The following CRISPLD2 variants were observed in gnomAD, a reference collection of about 807,000 sequenced individuals.
The protein encoded by CRISPLD2 is cysteine-rich secretory protein LCCL domain-containing 2.
CRISPLD2 carries 47 observed loss-of-function variants against 71.1 expected under a neutral mutation model. The observed-to-expected ratio is 0.66, with a 90% CI of 0.52 to 0.84. CRISPLD2 has a LOEUF of 0.84. Ranked by LOEUF, CRISPLD2 falls within the 40% of genes least tolerant of loss-of-function variation. The probability of loss-of-function intolerance (pLI) is 0.00; values close to 1 mark genes in which losing one functional copy is unlikely to be tolerated. For synonymous variants in CRISPLD2, 317 were observed against 250.1 expected, an observed-to-expected ratio of 1.27 and a Z score of -2.52; for missense variants, 830 against 651.1, an observed-to-expected ratio of 1.27 and a Z score of -2.99.
intron 7 of CRISPLD2, among the ~76,000 whole-genome samples, chr16:84,868,552 C>T (rs1029114303): frequency 1.3e-5 from 2 of 152,200 alleles, no homozygotes; most frequent in Non-Finnish European, 2.9e-5. Context: ...TTCACTTTCT[C>T]TCTCAAGGTT....
intron 5 of CRISPLD2, among the ~76,000 whole-genome samples, chr16:84,853,842 G>A (rs931233732): frequency 6.6e-6 from 1 of 152,252 alleles, no homozygotes; most frequent in Non-Finnish European, 1.5e-5. Context: ...TACAGAAAGG[G>A]AGACCGAGGC....
intron 13 of CRISPLD2, among the ~76,000 whole-genome samples, chr16:84,882,653 C>T (rs1466806651): frequency 2.0e-5 from 3 of 152,222 alleles, no homozygotes; most frequent in South Asian, 2.1e-4. Flanking sequence ...GATCCACCCA[C>T]CTTGGCTTCC....
At chr16:84,848,903 G>C (rs1328499767) in intron 3 of CRISPLD2, among the ~76,000 whole-genome samples, 1 of 150,238 alleles carries the variant, frequency 6.7e-6, no homozygotes. Context: ...GGAGAATGGC[G>C]TGAACCCGGG....
At chr16:84,824,006 C>T (rs1190280935) in intron 1 of CRISPLD2, among the ~76,000 whole-genome samples, 1 of 152,194 alleles carries the variant, frequency 6.6e-6, no homozygotes, top group Admixed American at 6.5e-5. Flanking sequence ...AACTGGACCC[C>T]TCTAAGGACT....
chr16:84,904,686 C>T (rs904912004), intron 14 of CRISPLD2, among the ~76,000 whole-genome samples: 4 of 151,884 alleles, frequency 2.6e-5, no homozygotes, highest in Admixed American at 6.6e-5. Context: ...ATTTTGACAT[C>T]GGTGCCAGGA....
At chr16:84,846,027 G>A (rs928072518) in intron 3 of CRISPLD2, 123 bp downstream of exon 3, 3 of 605,462 alleles carry the variant, frequency 5.0e-6, no homozygotes, top group Non-Finnish European at 8.7e-6. Context: ...CCGTCCCATC[G>A]ATATTCTGGG....
chr16:84,850,697 A>G lies in CRISPLD2; in HGVS notation c.608+14A>G, dbSNP rs1567687456. 6 of 1,593,260 alleles carry G rather than the reference A, an allele frequency of 3.8e-6. No individual in the cohort carries two copies. The African/African-American group carries it at 6.7e-5, about 18-fold the overall frequency. ...TTATTCTCCAAAGTAAGACAAGTTG[A>G]TGCCGTTGTATGGGGTGGGGGTTGG... On this transcript the variant is annotated intron_variant, in intron 5 of 14. Transcript: ENST00000262424.
chr16:84,865,215 G>A (rs1385041399), intron 6 of CRISPLD2, among the ~76,000 whole-genome samples: 1 of 151,484 alleles, frequency 6.6e-6, no homozygotes, highest in African/African-American at 2.4e-5. Context: ...GAGTGCAGTG[G>A]CACGATCTCC....
Position 84,876,269 on chromosome 16 carries a change from A to T in CRISPLD2, c.1157-1169A>T, listed in dbSNP as rs13331777. Among the ~76,000 whole-genome samples, 1,191 of 152,344 alleles carry T rather than the reference A, an allele frequency of 7.8e-3. 18 individuals are homozygous for T. Among genetic ancestry groups the T allele is most frequent in the African/African-American group, 0.027 (1,120 of 41,572 alleles). ...ATAATCCCAGCACTTTGAGACGTCC[A>T]GGCAGATGGGTCACCTGAGGTCAGG... On this transcript the variant is annotated intron_variant, in intron 11 of 14. Transcript: ENST00000262424.
intron 14 of CRISPLD2, among the ~76,000 whole-genome samples, chr16:84,898,545 G>A (rs764098617): frequency 8.5e-5 from 13 of 152,140 alleles, no homozygotes; most frequent in Admixed American, 5.9e-4. Flanking sequence ...CCTAGGCAGC[G>A]TTCTCCACCA....
chr16:84,851,870 G>C lies in CRISPLD2; in HGVS notation c.608+1187G>C, dbSNP rs567606631. ...TAAAAGAAGGAATAACCTCCATATG[G>C]TAAAATATACTCATCTGAAGTATAC... On this transcript the variant is annotated intron_variant, in intron 5 of 14. Transcript: ENST00000262424. 5.8e-4 allele frequency among the ~76,000 whole-genome samples: 89 copies of C among 152,350 alleles called. No homozygotes were observed. In the South Asian group the frequency reaches 6.4e-3, roughly 11 times the overall value.
intron 2 of CRISPLD2, among the ~76,000 whole-genome samples, chr16:84,843,565 T>C (rs976252320): frequency 6.6e-6 from 1 of 152,210 alleles, no homozygotes; most frequent in African/African-American, 2.4e-5. Context: ...TGTTTATATT[T>C]CCTCACCTGC....
At chr16:84,896,368 A>T (rs2326401) in intron 14 of CRISPLD2, among the ~76,000 whole-genome samples, 63,894 of 151,898 alleles carry the variant, frequency 0.42, 14,073 homozygotes, top group East Asian at 0.63. Flanking sequence ...ATCCTTTAAA[A>T]AAAAAGACTA....
rs1041555756 is a variant in CRISPLD2 at position 84,850,588 on chromosome 16, C to G, written c.513C>G (p.Asn171Lys). ...TTCAGATAGTTTGGGCCACCACCAA[C>G]AAGATCGGTTGTGCTGTGAACACCT... ...HYTQIVWATTNKIGCAVNTCR... is the reference protein window; with the variant it reads ...HYTQIVWATTKKIGCAVNTCR... The change falls in exon 5 of 15, where the codon AAC (asparagine) becomes AAG (lysine). Residue 171 changes from asparagine (N) to lysine (K), a missense_variant. Asn to Lys is a moderately conservative substitution (Grantham distance 94, BLOSUM62 0). Transcript: ENST00000262424. 4.3e-6 allele frequency: 7 copies of G among 1,614,064 alleles called. No individual in the cohort carries two copies. The highest frequency in any genetic ancestry group is 1.3e-5 in the African/African-American group (1 of 74,936).
intron 6 of CRISPLD2, among the ~76,000 whole-genome samples, chr16:84,855,473 C>T (rs753658167): frequency 3.3e-5 from 5 of 152,172 alleles, no homozygotes; most frequent in Non-Finnish European, 4.4e-5. Flanking sequence ...CCAGTCTCCA[C>T]CTAAGTCAGT....
At chr16:84,853,974 C>T (rs1917161632) in intron 5 of CRISPLD2, among the ~76,000 whole-genome samples, 1 of 152,264 alleles carries the variant, frequency 6.6e-6, no homozygotes, top group Non-Finnish European at 1.5e-5. Context: ...CCACCTCTAC[C>T]TGGCCCCTGG....
At chr16:84,847,302 C>T (rs1005653719) in intron 3 of CRISPLD2, among the ~76,000 whole-genome samples, 2 of 152,232 alleles carry the variant, frequency 1.3e-5, no homozygotes, top group Non-Finnish European at 2.9e-5. Flanking sequence ...GCGGTGACTT[C>T]ACAGAGGCAA....
intron 2 of CRISPLD2, among the ~76,000 whole-genome samples, chr16:84,841,581 T>C (rs898156585): frequency 5.9e-5 from 9 of 151,688 alleles, no homozygotes; most frequent in African/African-American, 2.2e-4. Context: ...CGGGAGAGGA[T>C]GCATTTATGA....
intron 12 of CRISPLD2, among the ~76,000 whole-genome samples, chr16:84,879,021 A>G (rs572092744): frequency 4.6e-5 from 7 of 152,278 alleles, no homozygotes; most frequent in African/African-American, 1.7e-4. Flanking sequence ...CCAAGGGACA[A>G]TAGGTGGTGA....
Sources: gnomAD v4.1 joint callset for allele counts (sites outside exome capture counted in the v4.1 genomes callset) on GRCh38, gnomAD v4.1.1 for gene constraint, MANE v1.5 for transcripts, NCBI Gene and HGNC (gene_info 2026-07-23, HGNC 2026-07-21) for gene names.